The following FRS2 variants were observed in gnomAD, a reference collection of about 807,000 sequenced individuals.
The protein encoded by FRS2 is fibroblast growth factor receptor substrate 2, also known as FGFR signalling adaptor.
In FRS2, 8 loss-of-function variants were observed where a neutral mutation model predicts 43.9. That is an observed-to-expected ratio of 0.18 (90% CI 0.11 to 0.33). FRS2 has a LOEUF of 0.33. FRS2 is among the 10% of genes least tolerant of loss of function. FRS2 has a pLI of 1.00. For synonymous variants in FRS2, 219 were observed against 220.3 expected, an observed-to-expected ratio of 0.99 and a Z score of 0.05; for missense variants, 534 against 627.6, an observed-to-expected ratio of 0.85 and a Z score of 1.59.
chr12:69,530,588 A>T (rs1446243445), intron 1 of FRS2, among the ~76,000 whole-genome samples: 1 of 152,078 alleles, frequency 6.6e-6, no homozygotes, highest in Non-Finnish European at 1.5e-5. Context: ...ATAATAATTT[A>T]AAAAATTGGC....
At chr12:69,543,410 C>T (rs1353413925) in intron 3 of FRS2, among the ~76,000 whole-genome samples, 1 of 152,152 alleles carries the variant, frequency 6.6e-6, no homozygotes, top group Admixed American at 6.5e-5. Context: ...ATCTGTCTGG[C>T]ATTCTTCAGG....
chr12:69,503,461 A>C (rs777587494), intron 1 of FRS2, among the ~76,000 whole-genome samples: 12 of 152,140 alleles, frequency 7.9e-5, no homozygotes, highest in Non-Finnish European at 1.3e-4. Flanking sequence ...TATATACATC[A>C]TGGAGCAGGG....
At chr12:69,540,164 A>G (rs1485101204) in intron 3 of FRS2, among the ~76,000 whole-genome samples, 13 of 151,678 alleles carry the variant, frequency 8.6e-5, no homozygotes, top group Non-Finnish European at 1.3e-4. Flanking sequence ...GAGGCAGAGG[A>G]GTGACATGAA....
intron 1 of FRS2, among the ~76,000 whole-genome samples, chr12:69,483,436 A>T (rs975519105): frequency 6.6e-6 from 1 of 152,232 alleles, no homozygotes; most frequent in African/African-American, 2.4e-5. Flanking sequence ...TTGGAGATTG[A>T]TGTTTTAAAA....
intron 8 of FRS2, among the ~76,000 whole-genome samples, chr12:69,573,696 C>CCCTTG (rs1357236134): frequency 6.6e-6 from 1 of 152,212 alleles, no homozygotes; most frequent in African/African-American, 2.4e-5. Flanking sequence ...CTCCTACCCT[C>CCCTTG]AAGTGATCCA....
intron 2 of FRS2, among the ~76,000 whole-genome samples, chr12:69,531,170 A>C (rs1490865531): frequency 6.6e-6 from 1 of 152,032 alleles, no homozygotes; most frequent in Non-Finnish European, 1.5e-5. Context: ...TCTCTGCTAA[A>C]AATATAAAAA....
rs140587929 is a variant in FRS2, at chr12:69,481,722, G to A, written c.-261+11192G>A. Among the ~76,000 whole-genome samples, 742 of 152,270 alleles carry A rather than the reference G, an allele frequency of 4.9e-3. 4 individuals are homozygous for A. The highest frequency in any genetic ancestry group is 0.016 in the African/African-American group (679 of 41,558). On this transcript the variant is annotated intron_variant, in intron 1 of 8. Transcript: ENST00000549921. ...TCTTTGTCTTTCATGCAATTGAAGA[G>A]TATAGGTCATTTATTTTACGGAAGG...
chr12:69,475,782 G>A (rs1012436335), intron 1 of FRS2, among the ~76,000 whole-genome samples: 1 of 152,070 alleles, frequency 6.6e-6, no homozygotes, highest in African/African-American at 2.4e-5. Flanking sequence ...TTAAGCTTGT[G>A]GCTCCCGAAG....
At chr12:69,486,854 A>C (rs1871999636) in intron 1 of FRS2, among the ~76,000 whole-genome samples, 1 of 152,194 alleles carries the variant, frequency 6.6e-6, no homozygotes, top group Non-Finnish European at 1.5e-5. Flanking sequence ...AATTCTGTTC[A>C]ATTATATGAG....
intron 3 of FRS2, among the ~76,000 whole-genome samples, chr12:69,558,590 C>G (rs1264976726): frequency 6.6e-6 from 1 of 152,134 alleles, no homozygotes. Flanking sequence ...CTGGATTGCC[C>G]CTGCCCTAGC....
At chr12:69,517,485 T>C (rs1875177432) in intron 1 of FRS2, among the ~76,000 whole-genome samples, 1 of 151,994 alleles carries the variant, frequency 6.6e-6, no homozygotes, top group East Asian at 1.9e-4. Context: ...TTTTAATCTT[T>C]AGGGGCATTT....
chr12:69,490,444 T>C (rs1236292601), intron 1 of FRS2, among the ~76,000 whole-genome samples: 1 of 151,814 alleles, frequency 6.6e-6, no homozygotes, highest in East Asian at 1.9e-4. Flanking sequence ...TTTTTTTTTT[T>C]TTTGGCATTT....
At chr12:69,491,732 A>G (rs566203548) in intron 1 of FRS2, 1 of 152,112 alleles carries the variant, frequency 6.6e-6, no homozygotes, top group East Asian at 1.9e-4. Context: ...TGCTGGTCTC[A>G]AGTGCCTGGC....
chr12:69,522,439 G>A (rs973603886), intron 1 of FRS2, among the ~76,000 whole-genome samples: 1 of 152,066 alleles, frequency 6.6e-6, no homozygotes, highest in Non-Finnish European at 1.5e-5. Context: ...TGTGGGATCA[G>A]TAGTAACATT....
intron 3 of FRS2, among the ~76,000 whole-genome samples, chr12:69,556,015 G>T (rs1014461097): frequency 3.3e-5 from 5 of 151,140 alleles, no homozygotes; most frequent in Non-Finnish European, 5.9e-5. Flanking sequence ...TGGCGGGGGG[G>T]GGGGCGGTGT....
chr12:69,544,279 A>T (rs1878171813), intron 3 of FRS2, among the ~76,000 whole-genome samples: 1 of 152,174 alleles, frequency 6.6e-6, no homozygotes, highest in Admixed American at 6.5e-5. Flanking sequence ...GGTTCAACAT[A>T]TGAAAATTGT....
intron 1 of FRS2, among the ~76,000 whole-genome samples, chr12:69,518,790 G>A (rs1282071618): frequency 2.0e-5 from 3 of 152,032 alleles, no homozygotes; most frequent in African/African-American, 7.2e-5. Flanking sequence ...CGAGGCAGGT[G>A]GATCACCTGA....
chr12:69,565,876 G>C (rs1880252260), intron 4 of FRS2, among the ~76,000 whole-genome samples: 1 of 151,894 alleles, frequency 6.6e-6, no homozygotes, highest in African/African-American at 2.4e-5. Flanking sequence ...AAGATACATA[G>C]TATAGTAAAT....
intron 3 of FRS2, among the ~76,000 whole-genome samples, chr12:69,553,806 G>A (rs1208463801): frequency 6.6e-6 from 1 of 152,188 alleles, no homozygotes; most frequent in African/African-American, 2.4e-5. Flanking sequence ...GGAACATATT[G>A]TGGTACTGAA....
Sources: gnomAD v4.1 joint callset for allele counts (sites outside exome capture counted in the v4.1 genomes callset) on GRCh38, gnomAD v4.1.1 for gene constraint, MANE v1.5 for transcripts, NCBI Gene and HGNC (gene_info 2026-07-23, HGNC 2026-07-21) for gene names.